Variants in IMMP2L observed in about 807,000 individuals in gnomAD.
The protein encoded by IMMP2L is mitochondrial inner membrane protease subunit 2.
In IMMP2L, 18 loss-of-function variants were observed where a neutral mutation model predicts 19.3. That is an observed-to-expected ratio of 0.93 (90% confidence interval 0.64 to 1.38). The LOEUF (loss-of-function observed/expected upper bound fraction) is 1.38. Among genes scored for constraint, IMMP2L ranks in the 40% most tolerant of loss-of-function variants. IMMP2L has a pLI of 0.00. For missense variants in IMMP2L, 233 were observed against 218.2 expected (o/e 1.07, Z -0.43); for synonymous variants, 76 against 73.0 (o/e 1.04, Z -0.21).
chr7:111,137,622 T>C (rs1179607296), intron 3 of IMMP2L, among the ~76,000 whole-genome samples: 1 of 152,190 alleles, frequency 6.6e-6, no homozygotes, highest in Non-Finnish European at 1.5e-5. Context: ...AAATATTAAA[T>C]TACTACTTCA....
At chr7:111,127,382 A>G (rs750036425) in intron 3 of IMMP2L, among the ~76,000 whole-genome samples, 9 of 152,202 alleles carry the variant, frequency 5.9e-5, no homozygotes, top group Non-Finnish European at 1.2e-4. Flanking sequence ...CAAACATATC[A>G]TAGCACTGGG....
intron 4 of IMMP2L, among the ~76,000 whole-genome samples, chr7:110,908,129 A>C (rs1417297367): frequency 6.6e-6 from 1 of 152,220 alleles, no homozygotes; most frequent in East Asian, 1.9e-4. Flanking sequence ...TATTTCTAAG[A>C]AATTCACAAA....
intron 5 of IMMP2L, among the ~76,000 whole-genome samples, chr7:110,781,677 C>A (rs1799756494): frequency 6.6e-6 from 1 of 151,712 alleles, no homozygotes; most frequent in African/African-American, 2.4e-5. Context: ...TTTTACCTGA[C>A]AATATGTTAT....
At chr7:111,488,874 T>C (rs1225028610) in intron 2 of IMMP2L, among the ~76,000 whole-genome samples, 2 of 152,054 alleles carry the variant, frequency 1.3e-5, no homozygotes, top group Non-Finnish European at 1.5e-5. Context: ...TATTATTCTT[T>C]GATTTTTTGA....
intron 3 of IMMP2L, among the ~76,000 whole-genome samples, chr7:111,170,410 G>C (rs1212681866): frequency 4.6e-5 from 7 of 151,858 alleles, no homozygotes; most frequent in Admixed American, 4.6e-4. Context: ...CAAAAGTCCA[G>C]AACAACTGGC....
At chr7:111,211,829 T>TA (rs1360374761) in intron 3 of IMMP2L, among the ~76,000 whole-genome samples, 5 of 151,792 alleles carry the variant, frequency 3.3e-5, no homozygotes, top group South Asian at 2.1e-4. Context: ...CCGTCTCTAC[T>TA]AAAAAAATAC....
chr7:111,460,432 G>T (rs142961133), intron 3 of IMMP2L, among the ~76,000 whole-genome samples: 3 of 151,868 alleles, frequency 2.0e-5, no homozygotes, highest in African/African-American at 7.2e-5. Flanking sequence ...TAACCTTTCA[G>T]AAAGTTAGAA....
At chr7:111,272,510 A>C (rs1012758454) in intron 3 of IMMP2L, among the ~76,000 whole-genome samples, 4 of 152,200 alleles carry the variant, frequency 2.6e-5, no homozygotes, top group Non-Finnish European at 5.9e-5. Context: ...TAAGCTCCAC[A>C]AGGAACCATT....
At chr7:111,548,669 C>G (rs1210460262) in intron 1 of IMMP2L, among the ~76,000 whole-genome samples, 3 of 152,032 alleles carry the variant, frequency 2.0e-5, no homozygotes, top group African/African-American at 7.2e-5. Context: ...AATTCATTAT[C>G]ATGTCACTTA....
chr7:111,054,642 G>C (rs774432391), intron 3 of IMMP2L, among the ~76,000 whole-genome samples: 37 of 152,204 alleles, frequency 2.4e-4, no homozygotes, highest in Non-Finnish European at 4.3e-4. Context: ...ACAACGATCA[G>C]AAATGCCTTC....
chr7:110,860,637 G>T (rs890543734), intron 5 of IMMP2L, among the ~76,000 whole-genome samples: 1 of 151,942 alleles, frequency 6.6e-6, no homozygotes, highest in Non-Finnish European at 1.5e-5. Flanking sequence ...TACAAAATTG[G>T]AGAACAATAA....
At chr7:111,162,550 T>C (rs1393415595) in intron 3 of IMMP2L, among the ~76,000 whole-genome samples, 2 of 152,110 alleles carry the variant, frequency 1.3e-5, no homozygotes, top group Non-Finnish European at 2.9e-5. Context: ...TCCACAGGGA[T>C]TCATCCATTC....
At chr7:111,013,050 T>C (rs567238282) in intron 3 of IMMP2L, among the ~76,000 whole-genome samples, 3 of 152,068 alleles carry the variant, frequency 2.0e-5, no homozygotes, top group African/African-American at 4.8e-5. Flanking sequence ...GTATGATTCC[T>C]AAATTCATGA....
At chr7:111,491,166 C>T (rs1011427507) in intron 2 of IMMP2L, among the ~76,000 whole-genome samples, 3 of 152,066 alleles carry the variant, frequency 2.0e-5, no homozygotes, top group Non-Finnish European at 4.4e-5. Flanking sequence ...TTCTTAATAA[C>T]ATTTTCTTTT....
intron 3 of IMMP2L, among the ~76,000 whole-genome samples, chr7:111,292,902 T>C (rs1358791121): frequency 1.3e-5 from 2 of 152,070 alleles, no homozygotes; most frequent in Non-Finnish European, 2.9e-5. Flanking sequence ...CACTTTGAAC[T>C]ACTTTCACAG....
chr7:110,805,298 T>C (rs1801549209), intron 5 of IMMP2L, among the ~76,000 whole-genome samples: 1 of 152,104 alleles, frequency 6.6e-6, no homozygotes, highest in Admixed American at 6.6e-5. Context: ...TACAAGTCAG[T>C]GCTAGAAGGT....
chr7:111,556,038 A>C (rs1037557314), intron 1 of IMMP2L, among the ~76,000 whole-genome samples: 3 of 138,104 alleles, frequency 2.2e-5, no homozygotes, highest in Non-Finnish European at 4.7e-5. Flanking sequence ...ATATATATAC[A>C]TACCCAAAGA....
intron 3 of IMMP2L, among the ~76,000 whole-genome samples, chr7:111,295,493 A>T (rs553744067): frequency 1.3e-5 from 2 of 152,068 alleles, no homozygotes; most frequent in African/African-American, 4.8e-5. Flanking sequence ...ACAAAAGATT[A>T]GAATAAGTAA....
intron 3 of IMMP2L, among the ~76,000 whole-genome samples, chr7:111,279,052 T>TC (rs773691339): frequency 3.3e-5 from 5 of 152,154 alleles, no homozygotes; most frequent in Non-Finnish European, 7.4e-5. Flanking sequence ...TGAGAGCAGG[T>TC]CCTCTGTGCA....
Sources: gnomAD v4.1 joint callset for allele counts (sites outside exome capture counted in the v4.1 genomes callset) on GRCh38, gnomAD v4.1.1 for gene constraint, MANE v1.5 for transcripts, NCBI Gene and HGNC (gene_info 2026-07-23, HGNC 2026-07-21) for gene names.